Variants in CCDC82 observed in about 807,000 individuals in gnomAD.
The protein encoded by CCDC82 is coiled-coil domain containing 82.
In CCDC82, 47 loss-of-function variants were observed where a neutral mutation model predicts 60.6. The ratio of observed to expected loss-of-function variants is 0.77; its 90% CI spans 0.61 to 0.99. The LOEUF is 0.99. CCDC82 is among the 50% of genes least tolerant of loss of function. The probability of loss-of-function intolerance (pLI) is 0.00; values close to 1 mark genes in which losing one functional copy is unlikely to be tolerated. For missense variants in CCDC82, 588 were observed against 633.0 expected (o/e 0.93, Z 0.76); for synonymous variants, 212 against 207.4 (o/e 1.02, Z -0.19).
chr11:96,365,472 T>C (rs546850440), intron 7 of CCDC82, among the ~76,000 whole-genome samples: 27 of 152,134 alleles, frequency 1.8e-4, no homozygotes, highest in Non-Finnish European at 3.1e-4. Flanking sequence ...TAGTTAAAAA[T>C]AGGAGCAGCA....
intron 5 of CCDC82, among the ~76,000 whole-genome samples, chr11:96,377,015 C>T (rs1376158997): frequency 6.6e-6 from 1 of 152,170 alleles, no homozygotes; most frequent in East Asian, 1.9e-4. Context: ...TCCCACAACC[C>T]CCAGGAGGAT....
intron 5 of CCDC82, chr11:96,381,815 C>T (rs111904201): frequency 3.3e-5 from 5 of 151,852 alleles, no homozygotes; most frequent in Admixed American, 1.3e-4. Flanking sequence ...CAAGTAATAA[C>T]AATATTATTT....
intron 8 of CCDC82, chr11:96,363,056 G>A (rs1357072109): frequency 6.6e-6 from 1 of 151,526 alleles, no homozygotes; most frequent in African/African-American, 2.4e-5. Flanking sequence ...TCTGCCCGCC[G>A]GGGTTCACGC....
chr11:96,374,561 G>T (rs1435156263), intron 5 of CCDC82, among the ~76,000 whole-genome samples: 1 of 152,170 alleles, frequency 6.6e-6, no homozygotes, highest in Non-Finnish European at 1.5e-5. Flanking sequence ...GATGGCCTAT[G>T]ATCAAAGGCA....
intron 4 of CCDC82, 100 bp downstream of exon 4, chr11:96,383,862 T>C: frequency 5.7e-6 from 6 of 1,049,646 alleles, no homozygotes; most frequent in Non-Finnish European, 8.2e-6. Context: ...AATTCTAGAA[T>C]TATTGAGAAA....
intron 5 of CCDC82, among the ~76,000 whole-genome samples, chr11:96,378,024 G>A (rs1175440148): frequency 6.6e-6 from 1 of 151,688 alleles, no homozygotes; most frequent in Non-Finnish European, 1.5e-5. Context: ...ATTTCCATTT[G>A]TTCTGTATTT....
At chr11:96,359,464 G>GTATGTCCAAGATGC (rs1366590595) in intron 8 of CCDC82, among the ~76,000 whole-genome samples, 40 of 152,142 alleles carry the variant, frequency 2.6e-4, no homozygotes, top group Admixed American at 5.2e-4. Context: ...ATGAAAAATG[G>GTATGTCCAAGATGC]TATGTCCAAG....
chr11:96,373,611 T>A, intron 5 of CCDC82, 144 bp from the exon 6 acceptor site: 1 of 513,430 alleles, frequency 1.9e-6, no homozygotes, highest in Non-Finnish European at 3.5e-6. Flanking sequence ...GCTTCCTCGA[T>A]GACTTGTTTA....
chr11:96,362,677 G>A (rs1265434612), intron 8 of CCDC82, among the ~76,000 whole-genome samples: 1 of 151,962 alleles, frequency 6.6e-6, no homozygotes, highest in Non-Finnish European at 1.5e-5. Context: ...AAGGCCTCTC[G>A]TCTCAGTACC....
chr11:96,376,450 G>A (rs1378580264), intron 5 of CCDC82, among the ~76,000 whole-genome samples: 5 of 141,946 alleles, frequency 3.5e-5, no homozygotes, highest in African/African-American at 8.0e-5. Flanking sequence ...TTTTTGAGCC[G>A]GAGTCTTACT....
At chr11:96,355,167 A>C (rs1438568976) in intron 9 of CCDC82, 2 of 152,274 alleles carry the variant, frequency 1.3e-5, no homozygotes, top group East Asian at 1.9e-4. Flanking sequence ...TATGTTTCTC[A>C]TATTACCTTT....
At position 96,353,669 on chromosome 11, in the gene CCDC82, G is replaced by T. The variant is rs745727779; in HGVS notation, c.1612C>A (p.Gln538Lys). The T allele has an allele frequency of 1.2e-6, 2 of 1,610,300 alleles. No individual in the cohort carries two copies. Among genetic ancestry groups the T allele is most frequent in the East Asian group, 4.5e-5 (2 of 44,670 alleles). ...EEYLNFADYF[Q>K]EEKFEL ...TGTTACAACTCAAACTTCTCTTCTTGAAAGTAATCCGCAAAATTGAGATAT... is the reference window on the plus strand; with the variant it reads ...TGTTACAACTCAAACTTCTCTTCTTTAAAGTAATCCGCAAAATTGAGATAT... The change falls in exon 10 of 10, where the codon CAA becomes AAA. Residue 538 changes from glutamine to lysine, a missense_variant. Gln to Lys is a moderately conservative substitution (Grantham distance 53). Transcript: ENST00000646818.
intron 4 of CCDC82, 47 bp from the exon 5 acceptor site, chr11:96,383,520 G>C: frequency 8.5e-7 from 1 of 1,177,744 alleles, no homozygotes; most frequent in Non-Finnish European, 1.2e-6. Context: ...CTATTAAAAC[G>C]GTAAGCATCG....
chr11:96,361,584 C>A (rs1389450610), intron 8 of CCDC82, among the ~76,000 whole-genome samples: 1 of 152,100 alleles, frequency 6.6e-6, no homozygotes, highest in Non-Finnish European at 1.5e-5. Flanking sequence ...ACAGTAGATG[C>A]AAAGGATAGG....
rs185840053 is a variant in CCDC82 at position 96,384,800 on chromosome 11, C to A, written c.-14-39G>T. On this transcript the variant is annotated intron_variant, in intron 3 of 9. Transcript: ENST00000646818. Reference sequence around the variant, plus strand: ...TTGTTAGGAATATAACAGTGATAACCAGATTAGAGCAATGAATGCATTTAT... The same window carrying A: ...TTGTTAGGAATATAACAGTGATAACAAGATTAGAGCAATGAATGCATTTAT... The A allele has an allele frequency of 2.4e-6, 3 of 1,275,436 alleles. No homozygotes were observed. In the East Asian group the frequency reaches 7.1e-5, roughly 30 times the overall value. 79.0% of individuals were successfully genotyped at this position (1,275,436 alleles called of 1,614,324 possible).
intron 8 of CCDC82, among the ~76,000 whole-genome samples, chr11:96,361,335 T>C (rs1864651493): frequency 6.6e-6 from 1 of 152,240 alleles, no homozygotes; most frequent in African/African-American, 2.4e-5. Context: ...GAGAGGTGTT[T>C]AAAAATCCTA....
At chr11:96,376,430 CTTTTT>C (rs1291548577) in intron 5 of CCDC82, among the ~76,000 whole-genome samples, 2 of 140,802 alleles carry the variant, frequency 1.4e-5, no homozygotes, top group Admixed American at 1.4e-4. Flanking sequence ...CCGTGCTTTT[CTTTTT>C]TTTTTTTTTG....
chr11:96,357,824 T>C, intron 9 of CCDC82: 2 of 985,044 alleles, frequency 2.0e-6, no homozygotes, highest in Non-Finnish European at 2.4e-6. Flanking sequence ...CTAAAGCAAA[T>C]GAAAAAGTAC....
intron 5 of CCDC82, chr11:96,381,449 G>A (rs1311820639): frequency 8.6e-5 from 13 of 151,580 alleles, no homozygotes; most frequent in Non-Finnish European, 1.3e-4. Context: ...ATCAAGTCAT[G>A]TCACACTTTA....
Sources: allele counts gnomAD v4.1 joint callset (sites outside exome capture counted in the v4.1 genomes callset), GRCh38; gene constraint gnomAD v4.1.1; transcripts MANE v1.5; gene names NCBI Gene and HGNC (gene_info 2026-07-23, HGNC 2026-07-21).